Variants in VWA8 observed in about 807,000 individuals in gnomAD.
The protein encoded by VWA8 is von Willebrand factor A domain containing 8.
In VWA8, 221 loss-of-function variants were observed where a neutral mutation model predicts 241.5. The ratio of observed to expected loss-of-function variants is 0.91; its 90% CI spans 0.82 to 1.02. The LOEUF (loss-of-function observed/expected upper bound fraction) is 1.02. Among genes scored for constraint, VWA8 ranks in the 50% least tolerant of loss-of-function variants. VWA8 has a pLI of 0.00. For missense variants in VWA8, 2,322 were observed against 2,328.7 expected (o/e 1.00, Z 0.06); for synonymous variants, 852 against 827.1 (o/e 1.03, Z -0.52).
At chr13:41,587,073 A>G (rs1320364479) in intron 42 of VWA8, among the ~76,000 whole-genome samples, 1 of 152,214 alleles carries the variant, frequency 6.6e-6, no homozygotes, top group African/African-American at 2.4e-5. Flanking sequence ...GATAATCATC[A>G]TCATTGTTAG....
chr13:41,906,162 G>A (rs148400531), intron 4 of VWA8, among the ~76,000 whole-genome samples: 59 of 152,098 alleles, frequency 3.9e-4, no homozygotes, highest in African/African-American at 1.4e-3. Context: ...TAATTAATAA[G>A]TAACACATGA....
intron 29 of VWA8, among the ~76,000 whole-genome samples, chr13:41,693,653 A>C (rs1273032770): frequency 3.9e-5 from 6 of 152,072 alleles, no homozygotes; most frequent in Non-Finnish European, 1.5e-5. Flanking sequence ...GCAATGATGT[A>C]ATCTTTCAGT....
At chr13:41,727,405 C>T in intron 23 of VWA8, 92 bp from the exon 24 acceptor site, 3 of 1,020,118 alleles carry the variant, frequency 2.9e-6, no homozygotes, top group Non-Finnish European at 4.1e-6. Flanking sequence ...AATAGTTATA[C>T]TGTTCAATTG....
intron 37 of VWA8, among the ~76,000 whole-genome samples, chr13:41,634,231 T>C (rs757591035): frequency 1.3e-5 from 2 of 152,174 alleles, no homozygotes; most frequent in African/African-American, 2.4e-5. Context: ...CAGACTTTCC[T>C]TGGTGTCCTC....
rs749864218 is a variant in VWA8, at chr13:41,912,155, CAG to C, written c.253_254del (p.Leu85GlyfsTer57). ...LVPQNYISDS[L>X]AQSVVQHLRW... The stretch of plus-strand genomic sequence containing the variant: ...TTAGATGCTGAACTACAGATTGAGC[CAG>C]AGAGTCTGAAACTATAAAGAAAAAA... On this transcript the variant is annotated frameshift_variant, in exon 3 of 45. Coordinates refer to ENST00000379310, the MANE Select transcript of VWA8 (RefSeq NM_015058.2). LOFTEE classifies it high-confidence loss of function. The C allele has an allele frequency of 1.0e-5, 16 of 1,598,242 alleles. No individual in the cohort carries two copies. The African/African-American group carries it at 1.6e-4, about 16-fold the overall frequency.
At chr13:41,606,577 A>G (rs960086023) in intron 39 of VWA8, among the ~76,000 whole-genome samples, 3 of 152,170 alleles carry the variant, frequency 2.0e-5, no homozygotes, top group Non-Finnish European at 4.4e-5. Context: ...GGAGATATGA[A>G]TCCTAGGTGT....
Position 41,699,130 on chromosome 13 carries a change from C to T in VWA8, c.3505G>A (p.Val1169Met), listed in dbSNP as rs2045233165. The change falls in exon 29 of 45, where the codon GTG becomes ATG. Residue 1169 changes from valine to methionine, a missense_variant. Val to Met is a conservative substitution (Grantham distance 21). Coordinates refer to ENST00000379310, the MANE Select transcript of VWA8 (RefSeq NM_015058.2). ...RTANGVWHPF[V>M]TVAPLGSPLK... ...GGACTTCCCAGCGGTGCCACTGTCA[C>T]AAAAGGGTGCCAAACGCCATTGGCT... 6 of 1,614,072 alleles carry T rather than the reference C, an allele frequency of 3.7e-6. No individual in the cohort carries two copies. Among genetic ancestry groups the T allele is most frequent in the Non-Finnish European group, 5.1e-6 (6 of 1,179,982 alleles).
intron 37 of VWA8, among the ~76,000 whole-genome samples, chr13:41,656,372 C>T (rs773314521): frequency 6.6e-6 from 1 of 152,146 alleles, no homozygotes; most frequent in Non-Finnish European, 1.5e-5. Context: ...GCTTTGTATT[C>T]CCCTCTTAAA....
chr13:41,633,258 T>C (rs1330389833), intron 37 of VWA8, among the ~76,000 whole-genome samples: 1 of 152,198 alleles, frequency 6.6e-6, no homozygotes, highest in Non-Finnish European at 1.5e-5. Flanking sequence ...TGGCTAGATA[T>C]ATAAGCTGGT....
intron 24 of VWA8, among the ~76,000 whole-genome samples, chr13:41,726,357 A>G (rs1166885453): frequency 6.6e-6 from 1 of 152,194 alleles, no homozygotes; most frequent in Non-Finnish European, 1.5e-5. Context: ...TGCTAGATCA[A>G]AGATCCCACT....
At chr13:41,872,362 T>C (rs1225545878) in intron 9 of VWA8, among the ~76,000 whole-genome samples, 1 of 152,248 alleles carries the variant, frequency 6.6e-6, no homozygotes, top group Admixed American at 6.5e-5. Context: ...TTTGGTGTTT[T>C]AGACATGAAG....
chr13:41,593,324 C>T (rs541485750), intron 40 of VWA8, among the ~76,000 whole-genome samples: 16 of 152,160 alleles, frequency 1.1e-4, no homozygotes, highest in Middle Eastern at 3.4e-3. Flanking sequence ...TGTATGTGAC[C>T]CTTGGGAGAA....
At chr13:41,825,305 G>T (rs1326249902) in intron 14 of VWA8, among the ~76,000 whole-genome samples, 1 of 152,140 alleles carries the variant, frequency 6.6e-6, no homozygotes, top group African/African-American at 2.4e-5. Flanking sequence ...TCAGTCTATA[G>T]ATAGGATCAT....
At chr13:41,859,780 T>C (rs1017777433) in intron 12 of VWA8, among the ~76,000 whole-genome samples, 1 of 152,202 alleles carries the variant, frequency 6.6e-6, no homozygotes, top group African/African-American at 2.4e-5. Context: ...AAGCTCTGTT[T>C]TCCTTTTACT....
intron 4 of VWA8, among the ~76,000 whole-genome samples, chr13:41,898,995 C>T (rs1875293107): frequency 6.6e-6 from 1 of 152,240 alleles, no homozygotes; most frequent in Admixed American, 6.5e-5. Context: ...AGGGAGCCGG[C>T]TCTGGCCTTG....
At chr13:41,591,573 A>C (rs1002581905) in intron 40 of VWA8, among the ~76,000 whole-genome samples, 2 of 152,168 alleles carry the variant, frequency 1.3e-5, no homozygotes, top group African/African-American at 4.8e-5. Flanking sequence ...TCATCTGACA[A>C]AGGGCTAATA....
chr13:41,917,083 T>C (rs1876295561), intron 2 of VWA8, among the ~76,000 whole-genome samples: 1 of 152,212 alleles, frequency 6.6e-6, no homozygotes, highest in South Asian at 2.1e-4. Context: ...TTTCAAAAAA[T>C]ATGTACTATT....
chr13:41,675,005 A>G (rs1035329027), intron 36 of VWA8, among the ~76,000 whole-genome samples: 2 of 152,162 alleles, frequency 1.3e-5, no homozygotes, highest in Non-Finnish European at 2.9e-5. Flanking sequence ...ACTTATACCT[A>G]TGTAACACTG....
At chr13:41,866,692 T>C (rs1426455967) in intron 10 of VWA8, among the ~76,000 whole-genome samples, 1 of 152,180 alleles carries the variant, frequency 6.6e-6, no homozygotes, top group Non-Finnish European at 1.5e-5. Flanking sequence ...ATAGTAAAGA[T>C]ATTACTACTG....
Sources: allele counts gnomAD v4.1 joint callset (sites outside exome capture counted in the v4.1 genomes callset), GRCh38; gene constraint gnomAD v4.1.1; transcripts MANE v1.5; gene names NCBI Gene and HGNC (gene_info 2026-07-23, HGNC 2026-07-21).